GOLGA8K: variants seen among roughly 807,000 people sequenced by gnomAD.
GOLGA8K encodes golgin A8 family member K.
GOLGA8K carries 12 observed loss-of-function variants against 75.2 expected under a neutral mutation model. The observed-to-expected ratio is 0.16, with a 90% CI of 0.10 to 0.26. The LOEUF is 0.26. Among genes scored for constraint, GOLGA8K ranks in the 10% least tolerant of loss-of-function variants. The pLI, the probability that GOLGA8K is intolerant of heterozygous loss-of-function variation, is 1.00. For synonymous variants in GOLGA8K, 48 were observed against 236.6 expected, an observed-to-expected ratio of 0.20 and a Z score of 7.32; for missense variants, 109 against 640.8, an observed-to-expected ratio of 0.17 and a Z score of 8.96.
chr15:32,397,711 C>T (rs1439006676), intron 8 of GOLGA8K, among the ~76,000 whole-genome samples: 2 of 152,060 alleles, frequency 1.3e-5, no homozygotes, highest in African/African-American at 4.8e-5. Flanking sequence ...CTAACAGAGG[C>T]CCAGAGAGAT....
rs747835617 is a variant in GOLGA8K at position 32,397,314 on chromosome 15, C to A, written c.679-4G>T. ...CTTGTTGAAAAGACTCCTTCAACTG[C>A]AAGAATGGGCACAGAACTTAGGAAG... On this transcript the variant is annotated splice_polypyrimidine_tract_variant and splice_region_variant and intron_variant, in intron 9 of 18. Transcript: ENST00000512626. 1.3e-6 allele frequency: 2 copies of A among 1,574,926 alleles called. No individual in the cohort carries two copies. Among genetic ancestry groups the A allele is most frequent in the South Asian group, 2.2e-5 (2 of 90,210 alleles).
At position 32,394,133 on chromosome 15, in the gene GOLGA8K, A is replaced by G. The variant is rs536744668; in HGVS notation, c.1365+12T>C. 9.8e-5 allele frequency: 94 copies of G among 957,692 alleles called. 13 individuals are homozygous for G. The highest frequency in any genetic ancestry group is 3.2e-4 in the Middle Eastern group (1 of 3,136). 59.3% of individuals were successfully genotyped at this position (957,692 alleles called of 1,614,324 possible). A position where few individuals can be genotyped will look rare whatever the true frequency, so the allele number is the denominator to read the frequency against. ...AAGGTGGCAAAATGGGTGCAGGGGG[A>G]GTCAGGCTCACCATGGCCTCCCTGC... On this transcript the variant is annotated intron_variant, in intron 15 of 18. Coordinates refer to ENST00000512626, the MANE Select transcript of GOLGA8K (RefSeq NM_001282493.2).
rs1387607343 is a variant in GOLGA8K at position 32,401,307 on chromosome 15, T to C, written c.168+49A>G. On this transcript the variant is annotated intron_variant, in intron 2 of 18. Coordinates refer to ENST00000512626, the MANE Select transcript of GOLGA8K (RefSeq NM_001282493.2). The stretch of plus-strand genomic sequence containing the variant: ...CCACAATCTTAAGAATTACCCTCTA[T>C]TGCCCCTTGGGCCCCCTGTCCCCAG... The C allele has an allele frequency of 3.9e-5, 25 of 635,420 alleles. No individual in the cohort carries two copies. The East Asian group carries it at 6.7e-4, about 17-fold the overall frequency. The allele number at this position is 635,420 out of a possible 1,614,324, so 39.4% of individuals were successfully genotyped here.
In GOLGA8K at chr15:32,389,944, G is replaced by A. The variant is rs1323377405; in HGVS notation, c.*2838C>T. Among the ~76,000 whole-genome samples the A allele has an allele frequency of 9.8e-6, 1 of 102,536 alleles. No individual in the cohort carries two copies. Among genetic ancestry groups the A allele is most frequent in the Non-Finnish European group, 2.1e-5 (1 of 47,746 alleles). The allele number at this position is 102,536 out of a possible 152,430, so 67.3% of individuals were successfully genotyped here. A position where few individuals can be genotyped will look rare whatever the true frequency, so the allele number is the denominator to read the frequency against. On this transcript the variant is annotated 3_prime_UTR_variant, in exon 19 of 19. Coordinates refer to ENST00000512626, the MANE Select transcript of GOLGA8K (RefSeq NM_001282493.2). The stretch of plus-strand genomic sequence containing the variant: ...TTTAGAGAAACTATATTATGGATAG[G>A]GCTGATTTACATTTTCAAATTTTCT...
At chr15:32,398,374 C>T (rs1333970699) in intron 8 of GOLGA8K, among the ~76,000 whole-genome samples, 186 bp downstream of exon 8, 129 of 144,184 alleles carry the variant, frequency 8.9e-4, no homozygotes, top group African/African-American at 3.2e-3. Context: ...CACACAGTGA[C>T]CCCCAACTCA....
chr15:32,397,730 A>T (rs1333685746), intron 8 of GOLGA8K, among the ~76,000 whole-genome samples: 1 of 152,116 alleles, frequency 6.6e-6, no homozygotes, highest in Non-Finnish European at 1.5e-5. Context: ...ATCAGATAAT[A>T]TTGCTGTTGT....
rs1219711518 is a variant in GOLGA8K, at chr15:32,391,523, TTA to T, written c.*1257_*1258del. On this transcript the variant is annotated 3_prime_UTR_variant, in exon 19 of 19. Transcript: ENST00000512626. The stretch of plus-strand genomic sequence containing the variant: ...ATATTAGTTTATAATAATGTTTCTA[TTA>T]TTTTTTAAAGTGTTTTCCATTCAAG... Among the ~76,000 whole-genome samples, 1 of 118,408 alleles carries T rather than the reference TTA, an allele frequency of 8.4e-6. No individual in the cohort carries two copies. The highest frequency in any genetic ancestry group is 1.9e-5 in the Non-Finnish European group (1 of 52,316). 77.7% of individuals were successfully genotyped at this position (118,408 alleles called of 152,430 possible). A position where few individuals can be genotyped will look rare whatever the true frequency, so the allele number is the denominator to read the frequency against.
rs1224149401 is a variant in GOLGA8K at position 32,394,200 on chromosome 15, T to C, written c.1310A>G (p.Glu437Gly). ...HGEHLDSEGE[E>G]APQPMPSVPE... ...GACACTCGGCATGGGCTGAGGTGCCTCCTCCCCCTCACTGTCCAGATGTTC... is the reference window on the plus strand; with the variant it reads ...GACACTCGGCATGGGCTGAGGTGCCCCCTCCCCCTCACTGTCCAGATGTTC... The change falls in exon 15 of 19, where the codon GAG (glutamate) becomes GGG (glycine). Residue 437 changes from glutamate to glycine, a missense_variant. Transcript: ENST00000512626. 3.4e-6 allele frequency: 5 copies of C among 1,485,440 alleles called. No individual in the cohort carries two copies. The Middle Eastern group carries it at 6.8e-4, about 203-fold the overall frequency. 92.0% of individuals were successfully genotyped at this position (1,485,440 alleles called of 1,614,324 possible).
Position 32,397,516 on chromosome 15 carries a change from G to C in GOLGA8K, c.592-13C>G, listed in dbSNP as rs779127198. On this transcript the variant is annotated splice_polypyrimidine_tract_variant and intron_variant, in intron 8 of 18. Transcript: ENST00000512626. The stretch of plus-strand genomic sequence containing the variant: ...TGCGGCTGGACAACTGGATGGTGAA[G>C]AGTGAGAAGTTTCAATCTGGAGAGC... 5.6e-5 allele frequency: 83 copies of C among 1,472,402 alleles called. 2 individuals are homozygous for C. In the African/African-American group the frequency reaches 1.1e-3, roughly 20 times the overall value. The allele number at this position is 1,472,402 out of a possible 1,614,324, so 91.2% of individuals were successfully genotyped here.
chr15:32,398,175 C>T (rs1222130264), intron 8 of GOLGA8K, among the ~76,000 whole-genome samples: 1 of 144,260 alleles, frequency 6.9e-6, no homozygotes, highest in Non-Finnish European at 1.5e-5. Flanking sequence ...CACACACACA[C>T]ACACACACAC....
chr15:32,390,043 T>A lies in GOLGA8K; in HGVS notation c.*2739A>T, dbSNP rs2054526021. Among the ~76,000 whole-genome samples, 1 of 71,244 alleles carries A rather than the reference T, an allele frequency of 1.4e-5. No individual in the cohort carries two copies. Among genetic ancestry groups the A allele is most frequent in the African/African-American group, 4.0e-5 (1 of 24,726 alleles). 46.7% of individuals were successfully genotyped at this position (71,244 alleles called of 152,430 possible). A position where few individuals can be genotyped will look rare whatever the true frequency, so the allele number is the denominator to read the frequency against. On this transcript the variant is annotated 3_prime_UTR_variant, in exon 19 of 19. Coordinates refer to ENST00000512626, the MANE Select transcript of GOLGA8K (RefSeq NM_001282493.2). ...ATTATCAGGTTGAATCAAATACTTT[T>A]AAAATGATTATTATATATTGCCATC... is the stretch of plus-strand genomic sequence containing the variant.
Position 32,394,242 on chromosome 15 carries a change from G to T in GOLGA8K, c.1277-9C>A. 3.3e-6 allele frequency: 5 copies of T among 1,523,096 alleles called. 1 individual carries two copies. Among genetic ancestry groups the T allele is most frequent in the Non-Finnish European group, 4.4e-6 (5 of 1,128,978 alleles). The allele number at this position is 1,523,096 out of a possible 1,614,324, so 94.3% of individuals were successfully genotyped here. A position where few individuals can be genotyped will look rare whatever the true frequency, so the allele number is the denominator to read the frequency against. On this transcript the variant is annotated splice_polypyrimidine_tract_variant and intron_variant, in intron 14 of 18. Coordinates refer to ENST00000512626, the MANE Select transcript of GOLGA8K (RefSeq NM_001282493.2). The stretch of plus-strand genomic sequence containing the variant: ...CAGATGTTCTCCGTGTCCTGTGGGG[G>T]GTGGCCAGAGGGGTCTTCAGACAAC...
intron 15 of GOLGA8K, among the ~76,000 whole-genome samples, 164 bp downstream of exon 15, chr15:32,393,981 A>G (rs561384861): frequency 5.5e-5 from 2 of 36,080 alleles, no homozygotes; most frequent in African/African-American, 2.4e-4. Context: ...GGGGCCTCAG[A>G]GAGTGCACCT....
intron 13 of GOLGA8K, among the ~76,000 whole-genome samples, 171 bp from the exon 14 acceptor site, chr15:32,394,911 T>G (rs1424922677): frequency 1.4e-5 from 2 of 145,220 alleles, no homozygotes; most frequent in African/African-American, 4.9e-5. Context: ...TAGCTGGGTC[T>G]GCTGCAGTCA....
At chr15:32,398,266 C>T (rs1387564798) in intron 8 of GOLGA8K, among the ~76,000 whole-genome samples, 2 of 146,230 alleles carry the variant, frequency 1.4e-5, no homozygotes, top group Admixed American at 7.1e-5. Flanking sequence ...AGTACAAGTA[C>T]CCAATACCCC....
chr15:32,398,088 C>T (rs1474553367), intron 8 of GOLGA8K, among the ~76,000 whole-genome samples: 1 of 151,936 alleles, frequency 6.6e-6, no homozygotes, highest in Non-Finnish European at 1.5e-5. Context: ...GAAGTATCTC[C>T]CAGCCATCTT....
intron 13 of GOLGA8K, among the ~76,000 whole-genome samples, chr15:32,395,317 A>T (rs1195514594): frequency 2.0e-5 from 3 of 147,144 alleles, no homozygotes. Flanking sequence ...AGACTTAGAG[A>T]TGCAAAGTAC....
chr15:32,395,137 C>CT (rs2054593087), intron 13 of GOLGA8K, among the ~76,000 whole-genome samples: 1 of 137,680 alleles, frequency 7.3e-6, no homozygotes, highest in Non-Finnish European at 1.6e-5. Context: ...CTGTGGGGCT[C>CT]TGTCAGCTGC....
In GOLGA8K at chr15:32,389,908, T is replaced by G. The variant is rs1433734884; in HGVS notation, c.*2874A>C. On this transcript the variant is annotated 3_prime_UTR_variant, in exon 19 of 19. Coordinates refer to ENST00000512626, the MANE Select transcript of GOLGA8K (RefSeq NM_001282493.2). ...AATAGTTATATTATTTTAAAATGAC[T>G]AAGATAAAGTTTTAGAGAAACTATA... Among the ~76,000 whole-genome samples, 3 of 102,966 alleles carry G rather than the reference T, an allele frequency of 2.9e-5. 1 individual carries two copies. Among genetic ancestry groups the G allele is most frequent in the African/African-American group, 9.7e-5 (3 of 30,998 alleles). 67.5% of individuals were successfully genotyped at this position (102,966 alleles called of 152,430 possible). A position where few individuals can be genotyped will look rare whatever the true frequency, so the allele number is the denominator to read the frequency against.
Sources: allele counts gnomAD v4.1 joint callset (sites outside exome capture counted in the v4.1 genomes callset), GRCh38; gene constraint gnomAD v4.1.1; transcripts MANE v1.5; gene names NCBI Gene and HGNC (gene_info 2026-07-23, HGNC 2026-07-21).